RASL11B: variants seen among roughly 807,000 people sequenced by gnomAD.
RASL11B encodes RAS like family 11 member B.
RASL11B carries 14 observed loss-of-function variants against 22.9 expected under a neutral mutation model. The observed-to-expected ratio is 0.61, with a 90% CI of 0.40 to 0.96. The LOEUF (loss-of-function observed/expected upper bound fraction) is 0.96, where lower values mean the gene tolerates loss of function less well. Ranked by LOEUF, RASL11B falls within the 40% of genes least tolerant of loss-of-function variation. The pLI, the probability that RASL11B is intolerant of heterozygous loss-of-function variation, is 0.00. For synonymous variants in RASL11B, 143 were observed against 130.2 expected (o/e 1.10, Z -0.67); for missense variants, 261 against 322.0 (o/e 0.81, Z 1.45).
Position 52,865,747 on chromosome 4 carries a change from T to C in RASL11B, c.689T>C (p.Leu230Pro). 1 of 1,613,912 alleles carries C rather than the reference T, an allele frequency of 6.2e-7. No individual in the cohort carries two copies. Among genetic ancestry groups the C allele is most frequent in the Non-Finnish European group, 8.5e-7 (1 of 1,179,992 alleles). ...CCCAAGTCACCCAACATGCAGGACC[T>C]GAAGAGGAGGTTTAAGCAAGCCCTC... is the stretch of plus-strand genomic sequence containing the variant. ...PRPKSPNMQD[L>P]KRRFKQALSA... The change falls in exon 4 of 4, where the codon CTG becomes CCG. Residue 230 changes from leucine to proline, a missense_variant. Transcript: ENST00000248706.
intron 3 of RASL11B, among the ~76,000 whole-genome samples, chr4:52,864,780 A>G (rs1167747336): frequency 2.0e-5 from 3 of 152,226 alleles, no homozygotes; most frequent in African/African-American, 4.8e-5. Flanking sequence ...GAAGGATTCA[A>G]CACAGCCGGA....
intron 2 of RASL11B, 169 bp from the exon 3 acceptor site, chr4:52,864,309 T>A: frequency 1.7e-6 from 1 of 581,242 alleles, no homozygotes; most frequent in Non-Finnish European, 3.1e-6. Context: ...GGGTTAAAAT[T>A]GCTGTTGTTT....
At chr4:52,864,638 C>A in intron 3 of RASL11B, 84 bp downstream of exon 3, 1 of 923,714 alleles carries the variant, frequency 1.1e-6, no homozygotes, top group Non-Finnish European at 1.8e-6. Flanking sequence ...CCTCATGCTG[C>A]AGGATCAGAG....
In RASL11B at chr4:52,863,281, G is replaced by A. The variant is rs1718196950; in HGVS notation, c.156G>A (p.Arg52=). The A allele has an allele frequency of 6.2e-7, 1 of 1,613,694 alleles. No individual in the cohort carries two copies. The highest frequency in any genetic ancestry group is 1.7e-5 in the Admixed American group (1 of 59,978). The change falls in exon 2 of 4, where the codon CGG becomes CGA. Residue 52 remains arginine (R), a synonymous_variant. Coordinates refer to ENST00000248706, the MANE Select transcript of RASL11B (RefSeq NM_023940.3). ...TCTGACGTGCAGCACTGGTGGTCCG[G>A]TTCCTCACCAAACGATTCATCGGTG... ...SGVGKTALVV[R]FLTKRFIGDY...
At chr4:52,863,215 A>G (rs975168411) in intron 1 of RASL11B, 53 bp from the exon 2 acceptor site, 2 of 1,530,938 alleles carry the variant, frequency 1.3e-6, no homozygotes, top group Non-Finnish European at 1.8e-6. Flanking sequence ...TGGGGTGGAG[A>G]ACAATCTAAC....
intron 1 of RASL11B, 27 bp downstream of exon 1, chr4:52,862,676 C>G (rs1362561132): frequency 1.3e-6 from 2 of 1,536,904 alleles, no homozygotes; most frequent in Admixed American, 3.9e-5. Context: ...AGCCCTGGGT[C>G]TGGTCTTGGA....
chr4:52,863,770 CCTT>C (rs1184891520), intron 2 of RASL11B, among the ~76,000 whole-genome samples: 14 of 152,154 alleles, frequency 9.2e-5, no homozygotes, highest in Admixed American at 2.6e-4. Flanking sequence ...TAAAGTTCCT[CCTT>C]CTTAACAAAG....
In RASL11B at chr4:52,862,442, C is replaced by A; in HGVS notation, c.-66C>A. The A allele has an allele frequency of 1.3e-6, 2 of 1,535,020 alleles. No homozygotes were observed. Among genetic ancestry groups the A allele is most frequent in the South Asian group, 1.2e-5 (1 of 82,638 alleles). On this transcript the variant is annotated 5_prime_UTR_variant, in exon 1 of 4. Coordinates refer to ENST00000248706, the MANE Select transcript of RASL11B (RefSeq NM_023940.3). ...CCGCAGTCGGGTCCTCCCGCCCGCT[C>A]CCGCGCAGCGCTAGCATTCTCCAGT...
intron 1 of RASL11B, 109 bp downstream of exon 1, chr4:52,862,758 T>C (rs1471933192): frequency 9.8e-5 from 127 of 1,295,080 alleles, no homozygotes; most frequent in Non-Finnish European, 1.3e-4. Context: ...CCGCTCTCCG[T>C]CCCCGCGCAG....
In RASL11B at chr4:52,862,454, T is replaced by C; in HGVS notation, c.-54T>C. ...CCTCCCGCCCGCTCCCGCGCAGCGC[T>C]AGCATTCTCCAGTCCCTCAGTCCCT... On this transcript the variant is annotated 5_prime_UTR_variant, in exon 1 of 4. Transcript: ENST00000248706. 1 of 1,557,422 alleles carries C rather than the reference T, an allele frequency of 6.4e-7. No individual in the cohort carries two copies.
chr4:52,866,069 G>T lies in RASL11B; in HGVS notation c.*264G>T. ...TGTGTCTTTTCCTTTAGAGTGGGGA[G>T]GGGGCATAATCGTTTCGGTTTCTGC... On this transcript the variant is annotated 3_prime_UTR_variant, in exon 4 of 4. Coordinates refer to ENST00000248706, the MANE Select transcript of RASL11B (RefSeq NM_023940.3). 1 of 492,254 alleles carries T rather than the reference G, an allele frequency of 2.0e-6. No homozygotes were observed. Among genetic ancestry groups the T allele is most frequent in the Non-Finnish European group, 3.6e-6 (1 of 275,718 alleles). The allele number at this position is 492,254 out of a possible 1,614,324, so 30.5% of individuals were successfully genotyped here.
In RASL11B at chr4:52,865,701, A is replaced by G; in HGVS notation, c.643A>G (p.Arg215Gly). 6.2e-7 allele frequency: 1 copy of G among 1,614,152 alleles called. No individual in the cohort carries two copies. The highest frequency in any genetic ancestry group is 1.1e-5 in the South Asian group (1 of 91,084). The change falls in exon 4 of 4, where the codon AGA becomes GGA. Residue 215 changes from arginine to glycine, a missense_variant. Physicochemically the swap from Arg to Gly is moderately radical, Grantham distance 125 (BLOSUM62 -2). Transcript: ENST00000248706. ...QQPSSTPEKR[R>G]TSLIPRPKSP... is the part of the protein sequence containing the mutation. ...GCCTAGCAGTACACCCGAGAAGCGA[A>G]GAACCTCCCTCATTCCCAGGCCCAA...
Position 52,862,451 on chromosome 4 carries a change from C to G in RASL11B, c.-57C>G. 1 of 1,560,030 alleles carries G rather than the reference C, an allele frequency of 6.4e-7. No individual in the cohort carries two copies. Among genetic ancestry groups the G allele is most frequent in the Non-Finnish European group, 8.7e-7 (1 of 1,155,648 alleles). On this transcript the variant is annotated 5_prime_UTR_variant, in exon 1 of 4. Coordinates refer to ENST00000248706, the MANE Select transcript of RASL11B (RefSeq NM_023940.3). ...GGTCCTCCCGCCCGCTCCCGCGCAGCGCTAGCATTCTCCAGTCCCTCAGTC... is the reference window on the plus strand; with the variant it reads ...GGTCCTCCCGCCCGCTCCCGCGCAGGGCTAGCATTCTCCAGTCCCTCAGTC...
Position 52,864,469 on chromosome 4 carries a change from C to T in RASL11B, c.200-9C>T. 6.4e-7 allele frequency: 1 copy of T among 1,551,938 alleles called. No individual in the cohort carries two copies. Among genetic ancestry groups the T allele is most frequent in the Non-Finnish European group, 8.9e-7 (1 of 1,125,084 alleles). On this transcript the variant is annotated splice_polypyrimidine_tract_variant and intron_variant, in intron 2 of 3. Coordinates refer to ENST00000248706, the MANE Select transcript of RASL11B (RefSeq NM_023940.3). ...GGAAGAACATAATCTCTTTTATTTG[C>T]CTTCATAGGTAATCTCTATACTAGA...
rs1037528020 is a variant in RASL11B, at chr4:52,866,607, T to A, written c.*802T>A. 2.6e-5 allele frequency: 4 copies of A among 152,568 alleles called. No homozygotes were observed. Among genetic ancestry groups the A allele is most frequent in the African/African-American group, 9.7e-5 (4 of 41,432 alleles). The allele number at this position is 152,568 out of a possible 1,614,324, so 9.5% of individuals were successfully genotyped here. On this transcript the variant is annotated 3_prime_UTR_variant, in exon 4 of 4. Transcript: ENST00000248706. ...TCAGGAAAAAAATGTGTCAGTTGATTTTGGTGTGACTTGTGTAAATGGTTC... is the reference window on the plus strand; with the variant it reads ...TCAGGAAAAAAATGTGTCAGTTGATATTGGTGTGACTTGTGTAAATGGTTC...
rs111619819 is a variant in RASL11B, at chr4:52,865,760, T to G, written c.702T>G (p.Phe234Leu). The part of the protein sequence containing the change: ...SPNMQDLKRR[F>L]KQALSAKVRT... ...ACATGCAGGACCTGAAGAGGAGGTTTAAGCAAGCCCTCTCTGCCAAAGTGA... is the reference window on the plus strand; with the variant it reads ...ACATGCAGGACCTGAAGAGGAGGTTGAAGCAAGCCCTCTCTGCCAAAGTGA... The change falls in exon 4 of 4, where the codon TTT becomes TTG. Residue 234 changes from phenylalanine to leucine, a missense_variant. Coordinates refer to ENST00000248706, the MANE Select transcript of RASL11B (RefSeq NM_023940.3). 8.1e-6 allele frequency: 13 copies of G among 1,613,848 alleles called. No homozygotes were observed. Among genetic ancestry groups the G allele is most frequent in the African/African-American group, 5.3e-5 (4 of 74,992 alleles).
In RASL11B at chr4:52,865,320, A is replaced by G. The variant is rs1307534525; in HGVS notation, c.277-15A>G. 1 of 1,588,248 alleles carries G rather than the reference A, an allele frequency of 6.3e-7. No individual in the cohort carries two copies. Among genetic ancestry groups the G allele is most frequent in the Non-Finnish European group, 8.6e-7 (1 of 1,162,584 alleles). On this transcript the variant is annotated splice_polypyrimidine_tract_variant and intron_variant, in intron 3 of 3. Transcript: ENST00000248706. ...ACTGGCCAGCATTCACCTTGCCATC[A>G]CTCCTCTCTTTCAGGTCCATGAGAA... is the stretch of plus-strand genomic sequence containing the variant.
chr4:52,865,274 C>T, intron 3 of RASL11B, 61 bp from the exon 4 acceptor site: 2 of 1,417,170 alleles, frequency 1.4e-6, no homozygotes, highest in Non-Finnish European at 1.9e-6. Context: ...GAAATCTACC[C>T]AAGCCCAGGC....
chr4:52,862,319 T>C lies in RASL11B; in HGVS notation c.-189T>C, dbSNP rs1312287489. The C allele has an allele frequency of 4.4e-5, 23 of 527,166 alleles. 1 individual carries two copies. The East Asian group carries it at 7.6e-4, about 17-fold the overall frequency. 32.7% of individuals were successfully genotyped at this position (527,166 alleles called of 1,614,324 possible). ...CAGCCGGCGCGCCGCGCGAGTGCAGTCTGGGTCTGGAGCCTGAGCCCTGCG... is the reference window on the plus strand; with the variant it reads ...CAGCCGGCGCGCCGCGCGAGTGCAGCCTGGGTCTGGAGCCTGAGCCCTGCG... On this transcript the variant is annotated 5_prime_UTR_variant, in exon 1 of 4. Transcript: ENST00000248706.
Sources: allele counts gnomAD v4.1 joint callset (sites outside exome capture counted in the v4.1 genomes callset), GRCh38; gene constraint gnomAD v4.1.1; transcripts MANE v1.5; gene names NCBI Gene and HGNC (gene_info 2026-07-23, HGNC 2026-07-21).